Variants in OSBPL2 observed in about 807,000 individuals in gnomAD.
OSBPL2 encodes oxysterol-binding protein-related protein 2.
A neutral mutation model predicts 58.4 loss-of-function variants in OSBPL2; 18 were observed. The observed-to-expected ratio is 0.31, with a 90% confidence interval of 0.21 to 0.46. The LOEUF (loss-of-function observed/expected upper bound fraction) is 0.46. Among genes scored for constraint, OSBPL2 ranks in the 20% least tolerant of loss-of-function variants. The pLI, the probability that OSBPL2 is intolerant of heterozygous loss-of-function variation, is 1.00. For missense variants in OSBPL2, 461 were observed against 616.5 expected (o/e 0.75, Z 2.67); for synonymous variants, 221 against 234.1 (o/e 0.94, Z 0.51).
intron 12 of OSBPL2, among the ~76,000 whole-genome samples, chr20:62,290,866 T>A (rs916177173): frequency 1.5e-4 from 23 of 151,208 alleles, no homozygotes; most frequent in Non-Finnish European, 2.9e-4. Context: ...GCCTCCCGAG[T>A]AGCTGGGATT....
At chr20:62,248,007 G>A (rs1446913835) in intron 1 of OSBPL2, among the ~76,000 whole-genome samples, 1 of 151,958 alleles carries the variant, frequency 6.6e-6, no homozygotes, top group East Asian at 1.9e-4. Flanking sequence ...TGTTAATAGT[G>A]GGAACGTTTT....
At chr20:62,286,456 A>C in intron 10 of OSBPL2, 127 bp from the exon 11 acceptor site, 1 of 1,121,356 alleles carries the variant, frequency 8.9e-7, no homozygotes, top group Non-Finnish European at 1.3e-6. Context: ...TCTGAAAAAA[A>C]AAAAAAGGAG....
At chr20:62,266,982 C>G (rs151253156) in intron 4 of OSBPL2, among the ~76,000 whole-genome samples, 1 of 152,138 alleles carries the variant, frequency 6.6e-6, no homozygotes, top group Non-Finnish European at 1.5e-5. Flanking sequence ...GCCAGGCGTG[C>G]GACGGCTCAC....
chr20:62,291,305 A>G, intron 12 of OSBPL2: 1 of 320,752 alleles, frequency 3.1e-6, no homozygotes, highest in Non-Finnish European at 6.1e-6. Flanking sequence ...TCAAGGCTAA[A>G]GGGAGCTCGT....
At chr20:62,280,495 C>T (rs6089719) in intron 7 of OSBPL2, among the ~76,000 whole-genome samples, 149,077 of 152,366 alleles carry the variant, frequency 0.98, 73,003 homozygotes, top group Non-Finnish European at 1. Context: ...TGGCAAAATA[C>T]CCTGCTCTGA....
intron 12 of OSBPL2, chr20:62,291,193 GCTCAC>G (rs1983485662): frequency 5.0e-6 from 1 of 199,846 alleles, no homozygotes; most frequent in Non-Finnish European, 1.0e-5. Context: ...GAGAAACCCA[GCTCAC>G]GAGTGTGACC....
intron 12 of OSBPL2, among the ~76,000 whole-genome samples, chr20:62,289,968 T>C (rs1226496543): frequency 1.3e-5 from 2 of 152,198 alleles, no homozygotes; most frequent in Non-Finnish European, 2.9e-5. Context: ...TAATTTGTTA[T>C]TATTAAATTA....
Position 62,251,865 on chromosome 20 carries a change from C to CTTTTTTTTT in OSBPL2, c.-128-4169_-128-4161dup, listed in dbSNP as rs147891445. Among the ~76,000 whole-genome samples, 16 of 41,770 alleles carry CTTTTTTTTT rather than the reference C, an allele frequency of 3.8e-4. 2 individuals carry two copies. The highest frequency in any genetic ancestry group is 8.6e-4 in the African/African-American group (8 of 9,310). The allele number at this position is 41,770 out of a possible 152,430, so 27.4% of individuals were successfully genotyped here. A position where few individuals can be genotyped will look rare whatever the true frequency, so the allele number is the denominator to read the frequency against. ...TCAAGCGTCATTTTAATTGGTATGCCTTTTTTTTTTTTTTTTTTTTTTTTT... is the reference window on the plus strand; with the variant it reads ...TCAAGCGTCATTTTAATTGGTATGCCTTTTTTTTTTTTTTTTTTTTTTTTTTTTTTTTTT... On this transcript the variant is annotated intron_variant, in intron 1 of 13. Coordinates refer to ENST00000313733, the MANE Select transcript of OSBPL2 (RefSeq NM_144498.4).
intron 4 of OSBPL2, among the ~76,000 whole-genome samples, chr20:62,268,064 T>G (rs1178034617): frequency 1.4e-5 from 2 of 147,750 alleles, no homozygotes; most frequent in Admixed American, 6.8e-5. Flanking sequence ...TTTTTTTTTT[T>G]TTTTTTGTAT....
In OSBPL2 at chr20:62,256,156, C is replaced by A; in HGVS notation, c.-29C>A. 1 of 1,612,476 alleles carries A rather than the reference C, an allele frequency of 6.2e-7. No individual in the cohort carries two copies. Among genetic ancestry groups the A allele is most frequent in the Non-Finnish European group, 8.5e-7 (1 of 1,178,686 alleles). ...GATGATTCAGTAGAAGAGCACATGT[C>A]AGGGGCAGTGGAGGCTGGCTGCTGA... On this transcript the variant is annotated 5_prime_UTR_variant, in exon 2 of 14. An upstream open reading frame in the 5' UTR gains an earlier in-frame stop. Transcript: ENST00000313733.
At chr20:62,286,788 C>G in intron 11 of OSBPL2, 77 bp downstream of exon 11, 1 of 1,516,092 alleles carries the variant, frequency 6.6e-7, no homozygotes, top group Non-Finnish European at 8.9e-7. Context: ...CACGGCTCTT[C>G]CCTGTCCTTG....
In OSBPL2 at chr20:62,289,242, C is replaced by T. The variant is rs568174393; in HGVS notation, c.1161C>T (p.Asn387=). 86 of 1,613,824 alleles carry T rather than the reference C, an allele frequency of 5.3e-5. No homozygotes were observed. The African/African-American group carries it at 6.8e-4, about 13-fold the overall frequency. The change falls in exon 12 of 14, where the codon AAC becomes AAT. Residue 387 remains asparagine, a synonymous_variant. Transcript: ENST00000313733. ...TCACCAGTTTCACTGTGAGCCTCAACGAGCTGGAGACAGGCATGGAGAAGA... is the reference window on the plus strand; with the variant it reads ...TCACCAGTTTCACTGTGAGCCTCAATGAGCTGGAGACAGGCATGGAGAAGA... The part of the protein sequence containing the change: ...YNFTSFTVSL[N]ELETGMEKTL...
rs1298433831 is a variant in OSBPL2, at chr20:62,293,819, AC to A, written c.1380del (p.Asp461ThrfsTer44). ...FYPGNNPYTG[T>X]PDWLYAGDYF... ...CCCAGGCAATAACCCCTACACTGGG[AC>A]CCCCGACTGGTTGTATGCAGGGGAT... On this transcript the variant is annotated frameshift_variant, in exon 14 of 14. Coordinates refer to ENST00000313733, the MANE Select transcript of OSBPL2 (RefSeq NM_144498.4). LOFTEE classifies it high-confidence loss of function. 1 of 1,613,862 alleles carries A rather than the reference AC, an allele frequency of 6.2e-7. No individual in the cohort carries two copies. Among genetic ancestry groups the A allele is most frequent in the South Asian group, 1.1e-5 (1 of 91,058 alleles).
intron 1 of OSBPL2, among the ~76,000 whole-genome samples, chr20:62,249,522 TA>T (rs1411278368): frequency 2.0e-5 from 3 of 152,260 alleles, no homozygotes; most frequent in African/African-American, 7.2e-5. Flanking sequence ...TCAACTTTGA[TA>T]CTCAATTATG....
chr20:62,270,076 C>A (rs1981956522), intron 4 of OSBPL2, among the ~76,000 whole-genome samples: 1 of 152,218 alleles, frequency 6.6e-6, no homozygotes, highest in African/African-American at 2.4e-5. Flanking sequence ...GGGAACCTCG[C>A]GGCCCAGGCA....
chr20:62,278,691 T>A (rs1406482516), intron 6 of OSBPL2: 1 of 173,556 alleles, frequency 5.8e-6, no homozygotes, highest in Non-Finnish European at 1.2e-5. Flanking sequence ...CATGTTTGTG[T>A]GTGTGTGTCT....
intron 13 of OSBPL2, among the ~76,000 whole-genome samples, chr20:62,292,275 G>T (rs931199143): frequency 3.9e-5 from 6 of 152,260 alleles, no homozygotes; most frequent in Non-Finnish European, 8.8e-5. Flanking sequence ...GCCACAGCCC[G>T]TGTGTAGGGA....
intron 3 of OSBPL2, 60 bp downstream of exon 3, chr20:62,260,185 TGC>T: frequency 1.3e-6 from 2 of 1,531,242 alleles, no homozygotes; most frequent in East Asian, 4.5e-5. Flanking sequence ...AAAAATACTC[TGC>T]AGGGTACCCC....
chr20:62,260,721 C>T (rs1981243250), intron 3 of OSBPL2, among the ~76,000 whole-genome samples: 1 of 152,208 alleles, frequency 6.6e-6, no homozygotes, highest in Non-Finnish European at 1.5e-5. Flanking sequence ...GTCGCGGTGG[C>T]TCATGCCTGT....
Sources: gnomAD v4.1 joint callset for allele counts (sites outside exome capture counted in the v4.1 genomes callset) on GRCh38, gnomAD v4.1.1 for gene constraint, MANE v1.5 for transcripts, NCBI Gene and HGNC (gene_info 2026-07-23, HGNC 2026-07-21) for gene names.